MB: variants seen among roughly 807,000 people sequenced by gnomAD.
MB encodes the protein myoglobin, also known as nitrite reductase MB.
MB carries 10 observed loss-of-function variants against 14.5 expected under a neutral mutation model. That is an observed-to-expected ratio of 0.69 (90% CI 0.43 to 1.17). The LOEUF (loss-of-function observed/expected upper bound fraction) is 1.17, where lower values mean the gene tolerates loss of function less well. Ranked by LOEUF, MB falls within the 50% of genes most tolerant of loss-of-function variation. The pLI, the probability that MB is intolerant of heterozygous loss-of-function variation, is 0.00. For missense variants in MB, 169 were observed against 192.7 expected, an observed-to-expected ratio of 0.88 and a Z score of 0.73; for synonymous variants, 89 against 78.6, an observed-to-expected ratio of 1.13 and a Z score of -0.70.
In MB at chr22:35,607,332, C is replaced by A. The variant is rs1477780438; in HGVS notation, c.430G>T (p.Ala144Ser). The change falls in exon 3 of 3, where the codon GCC (alanine) becomes TCC (serine). Residue 144 changes from alanine (A) to serine (S), a missense_variant. Coordinates refer to ENST00000397326, the MANE Select transcript of MB (RefSeq NM_005368.3). ...AAGCCCAGCTCCTTGTAGTTGGAGG[C>A]CATGTCCTTCCGGAACAGCTCCAGG... ...KALELFRKDM[A>S]SNYKELGFQG 2.5e-6 allele frequency: 4 copies of A among 1,613,876 alleles called. No individual in the cohort carries two copies. In the African/African-American group the frequency reaches 4.0e-5, roughly 16 times the overall value.
chr22:35,613,795 A>C (rs1922842525), intron 1 of MB, among the ~76,000 whole-genome samples: 2 of 151,728 alleles, frequency 1.3e-5, no homozygotes, highest in African/African-American at 2.4e-5. Context: ...ACCCCACCCC[A>C]CCCCATATTT....
rs533266372 is a variant in MB, at chr22:35,607,656, C to G, written c.319-213G>C. Among the ~76,000 whole-genome samples, 21 of 152,286 alleles carry G rather than the reference C, an allele frequency of 1.4e-4. No individual in the cohort carries two copies. In the South Asian group the frequency reaches 3.5e-3, roughly 26 times the overall value. On this transcript the variant is annotated intron_variant, in intron 2 of 2. Coordinates refer to ENST00000397326, the MANE Select transcript of MB (RefSeq NM_005368.3). ...AGATACTACAACTGCCCTCGATTTA[C>G]AGATGCAGAAACTGAGGCGAGGGGA...
intron 1 of MB, among the ~76,000 whole-genome samples, chr22:35,612,522 C>T (rs1418616589): frequency 6.6e-6 from 1 of 152,122 alleles, no homozygotes; most frequent in Non-Finnish European, 1.5e-5. Context: ...TCAGAATTCT[C>T]CATGTTAGGC....
At chr22:35,617,071 A>T (rs1330943942) in intron 1 of MB, 92 bp downstream of exon 1, 1 of 936,898 alleles carries the variant, frequency 1.1e-6, no homozygotes, top group African/African-American at 1.6e-5. Flanking sequence ...CAGCCAACTG[A>T]CCTACCCCAC....
At chr22:35,614,450 T>C (rs2145919440) in intron 1 of MB, among the ~76,000 whole-genome samples, 1 of 148,244 alleles carries the variant, frequency 6.7e-6, no homozygotes, top group South Asian at 2.1e-4. Context: ...TAGCCAGGCA[T>C]GGTGGCATGC....
intron 1 of MB, among the ~76,000 whole-genome samples, chr22:35,613,114 T>C (rs1042765793): frequency 6.6e-6 from 1 of 152,234 alleles, no homozygotes; most frequent in African/African-American, 2.4e-5. Flanking sequence ...CTGACTATTA[T>C]TATCTGGCGA....
At chr22:35,613,002 G>A (rs535713662) in intron 1 of MB, among the ~76,000 whole-genome samples, 2 of 152,106 alleles carry the variant, frequency 1.3e-5, no homozygotes, top group Non-Finnish European at 2.9e-5. Flanking sequence ...ATGGTCTGCC[G>A]CCGTGCCCAA....
At chr22:35,609,300 G>T (rs1429419241) in intron 2 of MB, among the ~76,000 whole-genome samples, 1 of 152,232 alleles carries the variant, frequency 6.6e-6, no homozygotes, top group East Asian at 1.9e-4. Flanking sequence ...TGCAGGGAGG[G>T]GCTGGCAGAT....
At chr22:35,615,690 G>A (rs763554072) in intron 1 of MB, 18 of 152,278 alleles carry the variant, frequency 1.2e-4, no homozygotes, top group South Asian at 4.1e-4. Flanking sequence ...CAATCCCTTC[G>A]CTCAACCAGC....
chr22:35,620,405 C>T (rs968377731), upstream of MB, among the ~76,000 whole-genome samples: 1 of 152,174 alleles, frequency 6.6e-6, no homozygotes. Context: ...TCTGTTTGTT[C>T]CTTTGTTCAT....
chr22:35,616,643 G>A (rs1357759554), intron 1 of MB, among the ~76,000 whole-genome samples: 1 of 152,188 alleles, frequency 6.6e-6, no homozygotes, highest in African/African-American at 2.4e-5. Flanking sequence ...CTGTACAGGA[G>A]AGGAAATTGA....
At position 35,617,156 on chromosome 22, in the gene MB, C is replaced by A; in HGVS notation, c.95+7G>T. 1 of 1,611,070 alleles carries A rather than the reference C, an allele frequency of 6.2e-7. No individual in the cohort carries two copies. Among genetic ancestry groups the A allele is most frequent in the Non-Finnish European group, 8.5e-7 (1 of 1,177,188 alleles). On this transcript the variant is annotated splice_region_variant and intron_variant, in intron 1 of 2. Coordinates refer to ENST00000397326, the MANE Select transcript of MB (RefSeq NM_005368.3). ...GTGGCAGGGGCAATGGAATCTCTTC[C>A]TTTTACCTGATGAGGACTTCCTGCC...
In MB at chr22:35,606,983, G is replaced by A; in HGVS notation, c.*314C>T. ...TTAATGGCTTGGATTTGGGGTTACA[G>A]CCAGTTTGGAGGTTGGAAGAAGTTC... On this transcript the variant is annotated 3_prime_UTR_variant, in exon 3 of 3. Transcript: ENST00000397326. 4.0e-6 allele frequency: 1 copy of A among 252,894 alleles called. No homozygotes were observed. The highest frequency in any genetic ancestry group is 2.2e-5 in the African/African-American group (1 of 45,588). 15.7% of individuals were successfully genotyped at this position (252,894 alleles called of 1,614,324 possible).
Position 35,606,984 on chromosome 22 carries a change from C to T in MB, c.*313G>A. 4.0e-6 allele frequency: 1 copy of T among 253,002 alleles called. No individual in the cohort carries two copies. Among genetic ancestry groups the T allele is most frequent in the Non-Finnish European group, 7.6e-6 (1 of 132,296 alleles). 15.7% of individuals were successfully genotyped at this position (253,002 alleles called of 1,614,324 possible). ...TAATGGCTTGGATTTGGGGTTACAGCCAGTTTGGAGGTTGGAAGAAGTTCG... is the reference window on the plus strand; with the variant it reads ...TAATGGCTTGGATTTGGGGTTACAGTCAGTTTGGAGGTTGGAAGAAGTTCG... On this transcript the variant is annotated 3_prime_UTR_variant, in exon 3 of 3. Coordinates refer to ENST00000397326, the MANE Select transcript of MB (RefSeq NM_005368.3).
rs751026747 is a variant in MB, at chr22:35,617,300, TG to T, written c.-44del. On this transcript the variant is annotated 5_prime_UTR_variant, in exon 1 of 3. Coordinates refer to ENST00000397326, the MANE Select transcript of MB (RefSeq NM_005368.3). ...ACAAAAAGAGCAAGTATGGGCTCACTGGGTGTCCTGGCCCCAACAGCTGGGG... is the reference window on the plus strand; with the variant it reads ...ACAAAAAGAGCAAGTATGGGCTCACTGGTGTCCTGGCCCCAACAGCTGGGG... The T allele has an allele frequency of 7.8e-5, 118 of 1,507,916 alleles. 2 individuals carry two copies. The South Asian group carries it at 1.3e-3, about 17-fold the overall frequency. 93.4% of individuals were successfully genotyped at this position (1,507,916 alleles called of 1,614,324 possible). A position where few individuals can be genotyped will look rare whatever the true frequency, so the allele number is the denominator to read the frequency against.
At chr22:35,610,238 C>A (rs1481131425) in intron 2 of MB, among the ~76,000 whole-genome samples, 13 of 152,148 alleles carry the variant, frequency 8.5e-5, no homozygotes, top group Admixed American at 7.9e-4. Flanking sequence ...TGCCCCCAAC[C>A]CTGATCCACC....
upstream of MB, among the ~76,000 whole-genome samples, chr22:35,619,168 C>A (rs1390212260): frequency 1.3e-5 from 2 of 152,192 alleles, no homozygotes; most frequent in Admixed American, 6.5e-5. Flanking sequence ...TTCCTGTGTT[C>A]AAGGAACTCA....
intron 1 of MB, among the ~76,000 whole-genome samples, chr22:35,613,346 C>A (rs1167760996): frequency 6.6e-6 from 1 of 152,198 alleles, no homozygotes; most frequent in Non-Finnish European, 1.5e-5. Context: ...AGTTCCGGTC[C>A]CAGTTCTGGC....
intron 2 of MB, among the ~76,000 whole-genome samples, chr22:35,607,679 GGAGGTTGAATGGA>G (rs1922261085): frequency 6.6e-6 from 1 of 152,082 alleles, no homozygotes; most frequent in Non-Finnish European, 1.5e-5. Flanking sequence ...TGAGGCGAGG[GGAGGTTGAATGGA>G]AGGGACATTT....
Sources: gnomAD v4.1 joint callset for allele counts (sites outside exome capture counted in the v4.1 genomes callset) on GRCh38, gnomAD v4.1.1 for gene constraint, MANE v1.5 for transcripts, NCBI Gene and HGNC (gene_info 2026-07-23, HGNC 2026-07-21) for gene names.